RABGAP1L: variants seen among roughly 807,000 people sequenced by gnomAD.
RABGAP1L encodes the protein RAB GTPase activating protein 1 like.
A neutral mutation model predicts 137.7 loss-of-function variants in RABGAP1L; 63 were observed. That is an observed-to-expected ratio of 0.46 (90% confidence interval 0.37 to 0.56). The LOEUF is 0.56. Ranked by LOEUF, RABGAP1L falls within the 20% of genes least tolerant of loss-of-function variation. The pLI is 0.00. For missense variants in RABGAP1L, 1,095 were observed against 1,244.0 expected (o/e 0.88, Z 1.80); for synonymous variants, 431 against 433.7 (o/e 0.99, Z 0.08).
rs1679490535 is a variant in RABGAP1L at position 174,699,449 on chromosome 1, T to C, written c.1900-76T>C. 3 of 1,414,194 alleles carry C rather than the reference T, an allele frequency of 2.1e-6. No individual in the cohort carries two copies. The Admixed American group carries it at 5.9e-5, about 28-fold the overall frequency. 87.6% of individuals were successfully genotyped at this position (1,414,194 alleles called of 1,614,324 possible). A position where few individuals can be genotyped will look rare whatever the true frequency, so the allele number is the denominator to read the frequency against. ...TTCAGCTACTTATGCAGAGGACTAA[T>C]AACATGAAGGAACTTTTTTGACATT... On this transcript the variant is annotated intron_variant, in intron 15 of 25. Coordinates refer to ENST00000681986, the MANE Select transcript of RABGAP1L (RefSeq NM_001366446.1).
At chr1:174,595,615 T>A (rs1263579851) in intron 13 of RABGAP1L, among the ~76,000 whole-genome samples, 1 of 150,054 alleles carries the variant, frequency 6.7e-6, no homozygotes, top group African/African-American at 2.5e-5. Flanking sequence ...TACCCTGCGA[T>A]GTGAGGTGTC....
intron 19 of RABGAP1L, chr1:174,954,389 G>A (rs865897708): frequency 6.6e-6 from 1 of 152,302 alleles, no homozygotes; most frequent in Middle Eastern, 3.4e-3. Flanking sequence ...GAAAGGATTA[G>A]CTTATTGAGA....
chr1:174,165,972 T>C (rs1664878563), intron 1 of RABGAP1L, among the ~76,000 whole-genome samples: 1 of 152,228 alleles, frequency 6.6e-6, no homozygotes, highest in Non-Finnish European at 1.5e-5. Flanking sequence ...TAGCACCAGA[T>C]GGTTAAGAGC....
chr1:174,248,685 G>A (rs898231590), intron 5 of RABGAP1L, among the ~76,000 whole-genome samples: 11 of 152,172 alleles, frequency 7.2e-5, no homozygotes, highest in Admixed American at 5.2e-4. Context: ...AAGAAAAAGT[G>A]GCAGAATATG....
Position 174,377,430 on chromosome 1 carries a change from A to G in RABGAP1L, c.1559+6358A>G, listed in dbSNP as rs947247605. 3.9e-5 allele frequency among the ~76,000 whole-genome samples: 6 copies of G among 152,192 alleles called. No individual in the cohort carries two copies. In the East Asian group the frequency reaches 5.8e-4, roughly 15 times the overall value. On this transcript the variant is annotated intron_variant, in intron 12 of 25. Coordinates refer to ENST00000681986, the MANE Select transcript of RABGAP1L (RefSeq NM_001366446.1). ...AAAGTGAAGAACACAATGGAAAGGC[A>G]TATTACCTGATTTCTAGGTTTACTG...
intron 12 of RABGAP1L, among the ~76,000 whole-genome samples, chr1:174,392,054 A>C (rs1157695254): frequency 6.6e-6 from 1 of 152,218 alleles, no homozygotes; most frequent in Non-Finnish European, 1.5e-5. Context: ...AGAATAATTA[A>C]TACTCTTCCT....
intron 1 of RABGAP1L, among the ~76,000 whole-genome samples, chr1:174,194,991 G>A (rs1402740699): frequency 1.3e-5 from 2 of 152,070 alleles, no homozygotes; most frequent in Non-Finnish European, 2.9e-5. Context: ...CCCTCCTTGA[G>A]TGTTTGTTTT....
intron 17 of RABGAP1L, among the ~76,000 whole-genome samples, chr1:174,747,549 A>G (rs1015728934): frequency 6.6e-6 from 1 of 151,518 alleles, no homozygotes; most frequent in African/African-American, 2.4e-5. Context: ...CTTTATTTTT[A>G]TGGGTAATGT....
chr1:174,473,427 A>G (rs1216287260), intron 13 of RABGAP1L, among the ~76,000 whole-genome samples: 1 of 152,152 alleles, frequency 6.6e-6, no homozygotes, highest in Non-Finnish European at 1.5e-5. Flanking sequence ...TGCCCAGAGC[A>G]CTAGATGAGT....
At chr1:174,243,877 A>C (rs1011385751) in intron 5 of RABGAP1L, among the ~76,000 whole-genome samples, 1 of 152,218 alleles carries the variant, frequency 6.6e-6, no homozygotes, top group Non-Finnish European at 1.5e-5. Context: ...AGAGCCATAC[A>C]GTTTTCAGTA....
At chr1:174,358,973 G>T (rs1161659616) in intron 11 of RABGAP1L, among the ~76,000 whole-genome samples, 1 of 152,166 alleles carries the variant, frequency 6.6e-6, no homozygotes. Context: ...ATGATGGTAT[G>T]GGCCTAGGGG....
intron 11 of RABGAP1L, among the ~76,000 whole-genome samples, chr1:174,358,073 C>A (rs553245916): frequency 6.6e-6 from 1 of 152,060 alleles, no homozygotes; most frequent in Non-Finnish European, 1.5e-5. Flanking sequence ...AAATCTAGGC[C>A]GTTTGGCTTT....
chr1:174,785,948 T>TA (rs1007692645), intron 18 of RABGAP1L, among the ~76,000 whole-genome samples: 5 of 151,990 alleles, frequency 3.3e-5, no homozygotes, highest in African/African-American at 7.2e-5. Context: ...AAAGAAATAG[T>TA]AAAAAAAAGT....
intron 15 of RABGAP1L, among the ~76,000 whole-genome samples, chr1:174,690,956 C>T (rs1239238272): frequency 1.3e-5 from 2 of 151,432 alleles, no homozygotes; most frequent in Non-Finnish European, 2.9e-5. Context: ...TTCAGCCTGC[C>T]GAGTAGCTGG....
intron 13 of RABGAP1L, chr1:174,548,692 A>G (rs562485906): frequency 4.4e-6 from 2 of 457,298 alleles, no homozygotes; most frequent in South Asian, 9.5e-5. Flanking sequence ...TTTTGGTTGG[A>G]AAGTTTAACT....
intron 13 of RABGAP1L, among the ~76,000 whole-genome samples, chr1:174,453,539 A>G (rs1158674224): frequency 1.3e-5 from 2 of 152,232 alleles, no homozygotes; most frequent in African/African-American, 2.4e-5. Flanking sequence ...AGATAGCATC[A>G]TGTATGTGTA....
intron 11 of RABGAP1L, among the ~76,000 whole-genome samples, chr1:174,320,346 TA>T (rs1174818816): frequency 2.0e-5 from 3 of 152,186 alleles, no homozygotes; most frequent in Non-Finnish European, 4.4e-5. Context: ...ACTTAGTACA[TA>T]GTCTTTTGTA....
At chr1:174,598,700 T>A (rs1670176214) in intron 13 of RABGAP1L, among the ~76,000 whole-genome samples, 1 of 152,204 alleles carries the variant, frequency 6.6e-6, no homozygotes, top group African/African-American at 2.4e-5. Flanking sequence ...GAATTCTATT[T>A]TATCTGATAT....
intron 20 of RABGAP1L, chr1:174,965,090 GTACATCTC>G (rs781497514): frequency 1.3e-5 from 10 of 763,716 alleles, no homozygotes; most frequent in Non-Finnish European, 1.9e-5. Context: ...TTTCCCAGCT[GTACATCTC>G]CTATCCATAA....
Sources: gnomAD v4.1 joint callset for allele counts (sites outside exome capture counted in the v4.1 genomes callset) on GRCh38, gnomAD v4.1.1 for gene constraint, MANE v1.5 for transcripts, NCBI Gene and HGNC (gene_info 2026-07-23, HGNC 2026-07-21) for gene names.